The following NRG1 variants were observed in gnomAD, a reference collection of about 807,000 sequenced individuals.
The protein encoded by NRG1 is pro-neuregulin-1, membrane-bound isoform.
NRG1 carries 18 observed loss-of-function variants against 63.8 expected under a neutral mutation model. The observed-to-expected ratio is 0.28, with a 90% CI of 0.19 to 0.42. NRG1 has a LOEUF of 0.42. NRG1 is among the 10% of genes least tolerant of loss of function. The pLI, the probability that NRG1 is intolerant of heterozygous loss-of-function variation, is 1.00. For synonymous variants in NRG1, 302 were observed against 301.3 expected, an observed-to-expected ratio of 1.00 and a Z score of -0.02; for missense variants, 762 against 814.7, an observed-to-expected ratio of 0.94 and a Z score of 0.79.
intron 1 of NRG1, among the ~76,000 whole-genome samples, chr8:32,582,618 T>C (rs1274300500): frequency 1.3e-5 from 2 of 152,166 alleles, no homozygotes; most frequent in African/African-American, 4.8e-5. Flanking sequence ...GAAGTTCACC[T>C]AGGTAATAGA....
chr8:32,504,109 C>T lies in NRG1; in HGVS notation c.38-91719C>T, dbSNP rs1295404137. Among the ~76,000 whole-genome samples, 8 of 152,278 alleles carry T rather than the reference C, an allele frequency of 5.3e-5. No homozygotes were observed. In the East Asian group the frequency reaches 1.5e-3, roughly 29 times the overall value. On this transcript the variant is annotated intron_variant, in intron 1 of 10. Transcript: ENST00000519301. ...TTTGCCTTTTAGTGCCATGCTTGAGCCCACTTACCCAACTCCTGCGATCTT... is the reference window on the plus strand; with the variant it reads ...TTTGCCTTTTAGTGCCATGCTTGAGTCCACTTACCCAACTCCTGCGATCTT...
At chr8:32,754,329 G>C in intron 7 of NRG1, 43 bp from the exon 8 acceptor site, 1 of 1,577,738 alleles carries the variant, frequency 6.3e-7, no homozygotes, top group Non-Finnish European at 8.7e-7. Flanking sequence ...GTCCTGGCAA[G>C]TGGAAGTGAC....
intron 1 of NRG1, among the ~76,000 whole-genome samples, chr8:31,994,584 G>A (rs1340853881): frequency 7.3e-6 from 1 of 137,152 alleles, no homozygotes; most frequent in Non-Finnish European, 1.5e-5. Flanking sequence ...AGCCAAAGAG[G>A]TCAAGGCTGT....
rs141704255 is a variant in NRG1, at chr8:32,443,367, T to C, written c.38-152461T>C. ...TACAGGCAAGTGGTAAACTTAGTAA[T>C]ATGCTTCCTCTGGTGACAATGGGCA... On this transcript the variant is annotated intron_variant, in intron 1 of 10. Coordinates refer to the NRG1 transcript ENST00000519301. Among the ~76,000 whole-genome samples, 161 of 152,288 alleles carry C rather than the reference T, an allele frequency of 1.1e-3. 2 individuals carry two copies. The East Asian group carries it at 0.028, about 26-fold the overall frequency.
At chr8:32,210,774 G>C (rs576224160) in intron 1 of NRG1, among the ~76,000 whole-genome samples, 2 of 152,294 alleles carry the variant, frequency 1.3e-5, no homozygotes, top group East Asian at 1.9e-4. Context: ...CGTGTGTGCA[G>C]AGTCTCACAG....
chr8:32,051,331 T>C (rs980549497), intron 1 of NRG1, among the ~76,000 whole-genome samples: 7 of 152,134 alleles, frequency 4.6e-5, no homozygotes, highest in Non-Finnish European at 1.0e-4. Context: ...GGGCTCACAG[T>C]CTTATGTTAG....
chr8:32,747,229 T>C (rs1299381716), intron 7 of NRG1, among the ~76,000 whole-genome samples: 1 of 152,160 alleles, frequency 6.6e-6, no homozygotes, highest in Non-Finnish European at 1.5e-5. Flanking sequence ...AGTGTTCATG[T>C]AGGCATGGAG....
At chr8:32,705,717 T>A (rs1160583902) in intron 5 of NRG1, among the ~76,000 whole-genome samples, 1 of 152,134 alleles carries the variant, frequency 6.6e-6, no homozygotes, top group Non-Finnish European at 1.5e-5. Context: ...AATGTTTGAG[T>A]TTAGCCAAAA....
At chr8:31,783,692 C>T (rs1472667755) in intron 1 of NRG1, among the ~76,000 whole-genome samples, 1 of 151,772 alleles carries the variant, frequency 6.6e-6, no homozygotes, top group Non-Finnish European at 1.5e-5. Context: ...GGATGTTTCT[C>T]AGCCAAGGAG....
chr8:32,658,350 C>T (rs1802022542), intron 5 of NRG1, among the ~76,000 whole-genome samples: 1 of 152,152 alleles, frequency 6.6e-6, no homozygotes, highest in African/African-American at 2.4e-5. Flanking sequence ...TGACTACTGT[C>T]ATTTTAAATG....
intron 7 of NRG1, among the ~76,000 whole-genome samples, chr8:32,773,313 G>A (rs1712284462): frequency 6.6e-6 from 1 of 152,092 alleles, no homozygotes; most frequent in Admixed American, 6.6e-5. Flanking sequence ...TGCTCTGTTT[G>A]CCTGAGGTGT....
chr8:32,754,509 T>A (rs1829318354), intron 8 of NRG1, 35 bp downstream of exon 8: 2 of 1,591,952 alleles, frequency 1.3e-6, no homozygotes, highest in African/African-American at 2.7e-5. Context: ...TCTCTCTCCT[T>A]CATGCAGAGA....
chr8:32,630,960 G>A (rs769452837), intron 5 of NRG1, among the ~76,000 whole-genome samples: 3 of 152,026 alleles, frequency 2.0e-5, no homozygotes, highest in Admixed American at 6.5e-5. Flanking sequence ...AGCATTTTGT[G>A]TCTGGGTTTA....
At chr8:31,934,699 A>G (rs963768485) in intron 1 of NRG1, among the ~76,000 whole-genome samples, 1 of 152,148 alleles carries the variant, frequency 6.6e-6, no homozygotes, top group African/African-American at 2.4e-5. Context: ...GATAGCTACT[A>G]TTTAATGAAA....
At chr8:31,716,352 T>C (rs1452914922) in intron 1 of NRG1, among the ~76,000 whole-genome samples, 2 of 152,256 alleles carry the variant, frequency 1.3e-5, no homozygotes, top group Admixed American at 6.5e-5. Flanking sequence ...CATATGTTGA[T>C]ATCTACAGTG....
At chr8:32,140,832 T>C (rs922687963) in intron 1 of NRG1, among the ~76,000 whole-genome samples, 4 of 152,136 alleles carry the variant, frequency 2.6e-5, no homozygotes, top group Non-Finnish European at 4.4e-5. Context: ...TCCACCTCCA[T>C]TGACTTCTCC....
intron 1 of NRG1, among the ~76,000 whole-genome samples, chr8:32,249,257 C>G (rs1000220326): frequency 6.6e-6 from 1 of 152,006 alleles, no homozygotes; most frequent in Non-Finnish European, 1.5e-5. Context: ...TGCATGCCAC[C>G]GTATCTGGCC....
At chr8:32,020,686 C>T (rs531598750) in intron 1 of NRG1, among the ~76,000 whole-genome samples, 1 of 152,270 alleles carries the variant, frequency 6.6e-6, no homozygotes, top group South Asian at 2.1e-4. Context: ...CATGATTCTT[C>T]CTTGCTGAAA....
At chr8:32,764,734 A>C (rs77493513) in exon 12 of NRG1, 4,693 of 187,480 alleles carry the variant, frequency 0.025, 182 homozygotes, top group East Asian at 0.16. Flanking sequence ...TGTGCATTGC[A>C]TTATGATGTT....
Sources: gnomAD v4.1 joint callset for allele counts (sites outside exome capture counted in the v4.1 genomes callset) on GRCh38, gnomAD v4.1.1 for gene constraint, MANE v1.5 for transcripts, NCBI Gene and HGNC (gene_info 2026-07-23, HGNC 2026-07-21) for gene names.